The following TCEA3 variants were observed in gnomAD, a reference collection of about 807,000 sequenced individuals.
The protein encoded by TCEA3 is transcription elongation factor A3.
In TCEA3, 36 loss-of-function variants were observed where a neutral mutation model predicts 44.0. The ratio of observed to expected loss-of-function variants is 0.82; its 90% CI spans 0.63 to 1.08. TCEA3 has a LOEUF of 1.08. Among genes scored for constraint, TCEA3 ranks in the 50% least tolerant of loss-of-function variants. TCEA3 has a pLI of 0.00. For synonymous variants in TCEA3, 162 were observed against 159.7 expected, an observed-to-expected ratio of 1.01 and a Z score of -0.11; for missense variants, 392 against 441.2, an observed-to-expected ratio of 0.89 and a Z score of 1.00.
chr1:23,387,945 G>T (rs1024007596), intron 8 of TCEA3, among the ~76,000 whole-genome samples: 14 of 152,008 alleles, frequency 9.2e-5, no homozygotes, highest in Admixed American at 7.9e-4. Context: ...ACAACTAACT[G>T]TTCATCTGAT....
rs758115918 is a variant in TCEA3, at chr1:23,408,700, G to A, written c.407C>T (p.Ser136Phe). The change falls in exon 5 of 11, where the codon TCT (serine) becomes TTT (phenylalanine). Residue 136 changes from serine (S) to phenylalanine (F), a missense_variant. Physicochemically the swap from Ser to Phe is radical, Grantham distance 155. Transcript: ENST00000450454. ...TRRDSVDSKSSASSSPKRPSV... is the reference protein window; with the variant it reads ...TRRDSVDSKSFASSSPKRPSV... ...TGGTCTTTTTGGAGAGGAGGAGGCA[G>A]AAGACTTGGAGTCCACAGAGTCTCT... 6.2e-7 allele frequency: 1 copy of A among 1,611,402 alleles called. No individual in the cohort carries two copies.
In TCEA3 at chr1:23,397,451, C is replaced by T. The variant is rs930205610; in HGVS notation, c.664+94G>A. The T allele has an allele frequency of 3.7e-5, 43 of 1,168,382 alleles. No homozygotes were observed. The East Asian group carries it at 1.0e-3, about 28-fold the overall frequency. 72.4% of individuals were successfully genotyped at this position (1,168,382 alleles called of 1,614,324 possible). On this transcript the variant is annotated intron_variant, in intron 7 of 10. Transcript: ENST00000450454. ...AGCAGGGGCTGTTCCCGGAGCCCTT[C>T]CTCTCCTTCCTCACTCTCCCAGCTC...
chr1:23,392,720 A>T (rs1639097813), intron 8 of TCEA3, among the ~76,000 whole-genome samples: 1 of 128,958 alleles, frequency 7.8e-6, no homozygotes, highest in South Asian at 2.5e-4. Context: ...CATGCCACAC[A>T]CATATACTAT....
chr1:23,386,368 G>A (rs891021776), intron 9 of TCEA3, among the ~76,000 whole-genome samples: 15 of 151,950 alleles, frequency 9.9e-5, no homozygotes, highest in African/African-American at 3.6e-4. Flanking sequence ...GCATCCAGTA[G>A]CTGGGACTAC....
intron 5 of TCEA3, among the ~76,000 whole-genome samples, chr1:23,407,800 C>T (rs1426572584): frequency 6.6e-6 from 1 of 152,024 alleles, no homozygotes; most frequent in Admixed American, 6.6e-5. Context: ...TAGTTCTTGA[C>T]ACATAATAGG....
Position 23,393,883 on chromosome 1 carries a change from G to A in TCEA3, c.815C>T (p.Ala272Val). ...ATGCAGATGCCCTGCTCTCACCTCT[G>A]CCGTCATCTTGGCTATAAGCCCTGC... The part of the protein sequence containing the change: ...ISAGLIAKMT[A>V]EEMASDELRE... Residue 272 changes from alanine (A) to valine (V), a missense_variant, in exon 8 of 11, where the codon GCA (alanine) becomes GTA (valine). Ala to Val is a moderately conservative substitution (Grantham distance 64). Coordinates refer to ENST00000450454, the MANE Select transcript of TCEA3 (RefSeq NM_003196.3). The A allele has an allele frequency of 6.2e-7, 1 of 1,613,220 alleles. No individual in the cohort carries two copies. The highest frequency in any genetic ancestry group is 8.5e-7 in the Non-Finnish European group (1 of 1,179,862).
At chr1:23,406,006 T>C (rs541119222) in intron 5 of TCEA3, among the ~76,000 whole-genome samples, 21 of 152,236 alleles carry the variant, frequency 1.4e-4, no homozygotes, top group African/African-American at 3.9e-4. Context: ...GCCCAAGTCA[T>C]AGTGACAACC....
At chr1:23,408,008 T>C (rs191008261) in intron 5 of TCEA3, among the ~76,000 whole-genome samples, 22 of 152,128 alleles carry the variant, frequency 1.4e-4, no homozygotes, top group Admixed American at 9.2e-4. Context: ...GTTGCCCAGG[T>C]TGGATTGCAG....
At chr1:23,393,745 GGAGGCTGAGAT>G (rs1338750201) in intron 8 of TCEA3, 123 bp downstream of exon 8, 8 of 1,181,362 alleles carry the variant, frequency 6.8e-6, no homozygotes, top group Non-Finnish European at 9.3e-6. Context: ...AGCCCAGGGG[GGAGGCTGAGAT>G]GAGGCTGGTT....
chr1:23,395,994 C>G (rs1485934122), intron 7 of TCEA3, among the ~76,000 whole-genome samples: 1 of 152,144 alleles, frequency 6.6e-6, no homozygotes, highest in Non-Finnish European at 1.5e-5. Context: ...TGATAGTTCT[C>G]ATACCTTGTG....
intron 8 of TCEA3, among the ~76,000 whole-genome samples, chr1:23,389,834 T>A (rs891249549): frequency 1.3e-5 from 2 of 152,166 alleles, no homozygotes; most frequent in African/African-American, 4.8e-5. Flanking sequence ...GCTAATGTGA[T>A]ATAACTGAAC....
intron 2 of TCEA3, among the ~76,000 whole-genome samples, chr1:23,418,581 G>A (rs1048631211): frequency 6.6e-6 from 1 of 152,096 alleles, no homozygotes; most frequent in Non-Finnish European, 1.5e-5. Context: ...CAAAGTGATG[G>A]GATTACAGGT....
intron 8 of TCEA3, among the ~76,000 whole-genome samples, chr1:23,391,144 CTTTCTTTTTTT>C (rs1347473540): frequency 1.4e-5 from 2 of 140,500 alleles, no homozygotes; most frequent in African/African-American, 2.7e-5. Flanking sequence ...TTCTTTCTTT[CTTTCTTTTTTT>C]TTTTTTTTTT....
At chr1:23,395,328 C>G (rs578121282) in intron 7 of TCEA3, among the ~76,000 whole-genome samples, 2 of 152,208 alleles carry the variant, frequency 1.3e-5, no homozygotes, top group Admixed American at 6.5e-5. Context: ...ACAGAGGGGA[C>G]GAGGCAGAGA....
rs776765281 is a variant in TCEA3 at position 23,424,664 on chromosome 1, G to A, written c.-31C>T. ...CCCGCGACGCCCGGCGGGGCGAGGG[G>A]CACAGGGGCAGCAGTAGGGCCTCGG... On this transcript the variant is annotated 5_prime_UTR_variant, in exon 1 of 11. Coordinates refer to ENST00000450454, the MANE Select transcript of TCEA3 (RefSeq NM_003196.3). 2 of 1,581,298 alleles carry A rather than the reference G, an allele frequency of 1.3e-6. No individual in the cohort carries two copies. The highest frequency in any genetic ancestry group is 4.5e-5 in the East Asian group (2 of 44,082).
chr1:23,416,741 C>T (rs1639901020), intron 4 of TCEA3, among the ~76,000 whole-genome samples: 2 of 152,206 alleles, frequency 1.3e-5, no homozygotes, highest in African/African-American at 4.8e-5. Flanking sequence ...ATCCTCCCGC[C>T]TCAGCCTCCC....
At chr1:23,421,741 A>G (rs1287991280) in intron 1 of TCEA3, among the ~76,000 whole-genome samples, 1 of 152,252 alleles carries the variant, frequency 6.6e-6, no homozygotes, top group African/African-American at 2.4e-5. Context: ...ATTATTTTGG[A>G]GGATTCCTTA....
At chr1:23,416,156 G>T (rs1201195624) in intron 4 of TCEA3, among the ~76,000 whole-genome samples, 1 of 151,830 alleles carries the variant, frequency 6.6e-6, no homozygotes, top group Non-Finnish European at 1.5e-5. Flanking sequence ...ACAGGCATGT[G>T]CCACCACACC....
At chr1:23,417,769 C>A (rs893161148) in intron 3 of TCEA3, 135 bp downstream of exon 3, 4 of 801,158 alleles carry the variant, frequency 5.0e-6, no homozygotes, top group Non-Finnish European at 8.0e-6. Context: ...TAGCTACCTC[C>A]CGGATCCAGA....
Sources: gnomAD v4.1 joint callset for allele counts (sites outside exome capture counted in the v4.1 genomes callset) on GRCh38, gnomAD v4.1.1 for gene constraint, MANE v1.5 for transcripts, NCBI Gene and HGNC (gene_info 2026-07-23, HGNC 2026-07-21) for gene names.